Variants in LRMDA observed in about 807,000 individuals in gnomAD.
LRMDA encodes leucine rich melanocyte differentiation associated, also known as leucine-rich melanocyte differentiation-associated protein.
LRMDA carries 18 observed loss-of-function variants against 29.8 expected under a neutral mutation model. The ratio of observed to expected loss-of-function variants is 0.60; its 90% CI spans 0.42 to 0.90. LRMDA has a LOEUF of 0.90. Among genes scored for constraint, LRMDA ranks in the 40% least tolerant of loss-of-function variants. The probability of loss-of-function intolerance (pLI) is 0.00; values close to 1 mark genes in which losing one functional copy is unlikely to be tolerated. For synonymous variants in LRMDA, 125 were observed against 109.4 expected (o/e 1.14, Z -0.89); for missense variants, 273 against 273.9 (o/e 1.00, Z 0.02).
chr10:76,302,401 A>G (rs997372482), intron 5 of LRMDA, among the ~76,000 whole-genome samples: 9 of 152,160 alleles, frequency 5.9e-5, no homozygotes, highest in African/African-American at 1.4e-4. Flanking sequence ...GGTGTTGGCC[A>G]TGTTTCAGGG....
intron 6 of LRMDA, among the ~76,000 whole-genome samples, chr10:76,342,334 T>G (rs1841052111): frequency 6.6e-6 from 1 of 152,106 alleles, no homozygotes; most frequent in Non-Finnish European, 1.5e-5. Flanking sequence ...TAGAGAAGTA[T>G]ATTAATGAAA....
intron 5 of LRMDA, among the ~76,000 whole-genome samples, chr10:76,308,195 C>G (rs896898203): frequency 2.6e-5 from 4 of 152,172 alleles, no homozygotes; most frequent in African/African-American, 9.7e-5. Flanking sequence ...ACACCTTCAT[C>G]TACTTGAACA....
At chr10:76,156,239 T>C (rs1027521957) in intron 5 of LRMDA, among the ~76,000 whole-genome samples, 1 of 152,114 alleles carries the variant, frequency 6.6e-6, no homozygotes, top group Non-Finnish European at 1.5e-5. Flanking sequence ...CAACCAGCAG[T>C]CTCCAAGGGC....
chr10:76,479,781 C>T (rs1441070544), intron 6 of LRMDA, among the ~76,000 whole-genome samples: 2 of 151,774 alleles, frequency 1.3e-5, no homozygotes, highest in Non-Finnish European at 1.5e-5. Flanking sequence ...ACATTTAGTT[C>T]CTCATTTTTT....
At chr10:76,252,508 C>G (rs1852504400) in intron 5 of LRMDA, among the ~76,000 whole-genome samples, 1 of 152,168 alleles carries the variant, frequency 6.6e-6, no homozygotes, top group Non-Finnish European at 1.5e-5. Context: ...GAGGGGAGGA[C>G]TGGCCAAGAG....
chr10:76,070,832 C>T (rs1766908013), intron 5 of LRMDA, among the ~76,000 whole-genome samples: 1 of 152,180 alleles, frequency 6.6e-6, no homozygotes. Context: ...TTGGGCATCT[C>T]CTCAGCCACC....
intron 2 of LRMDA, among the ~76,000 whole-genome samples, chr10:75,604,596 T>C (rs1589200542): frequency 1.3e-5 from 2 of 152,266 alleles, no homozygotes; most frequent in East Asian, 3.9e-4. Context: ...TAAAAACTGA[T>C]TATATGAATT....
intron 2 of LRMDA, among the ~76,000 whole-genome samples, chr10:75,598,568 C>G (rs1300423627): frequency 6.6e-6 from 1 of 151,966 alleles, no homozygotes; most frequent in African/African-American, 2.4e-5. Flanking sequence ...GGAAAATGCT[C>G]TGTTACTACC....
intron 2 of LRMDA, among the ~76,000 whole-genome samples, chr10:75,832,836 G>C (rs191385584): frequency 6.6e-6 from 1 of 152,146 alleles, no homozygotes; most frequent in Non-Finnish European, 1.5e-5. Context: ...ATCAGATCTC[G>C]TGAGACCCAT....
chr10:75,957,746 G>A (rs1031148572), intron 2 of LRMDA, among the ~76,000 whole-genome samples: 5 of 152,202 alleles, frequency 3.3e-5, no homozygotes, highest in African/African-American at 1.2e-4. Context: ...GCGGGAGAGA[G>A]TGAGAGGAGG....
rs144921752 is a variant in LRMDA, at chr10:76,162,382, T to C, written c.516+103599T>C. Among the ~76,000 whole-genome samples the C allele has an allele frequency of 5.5e-3, 832 of 152,322 alleles. 2 individuals are homozygous for C. Among genetic ancestry groups the C allele is most frequent in the Admixed American group, 8.1e-3 (124 of 15,294 alleles). ...GGGCAATTTATTTAACAAGCCTCTTTGATCCTGTATTAGTCAATTCTCGCA... is the reference window on the plus strand; with the variant it reads ...GGGCAATTTATTTAACAAGCCTCTTCGATCCTGTATTAGTCAATTCTCGCA... On this transcript the variant is annotated intron_variant, in intron 5 of 6. Transcript: ENST00000611255.
chr10:75,878,484 C>T (rs775359388), intron 2 of LRMDA, among the ~76,000 whole-genome samples: 75 of 151,872 alleles, frequency 4.9e-4, no homozygotes, highest in Non-Finnish European at 9.0e-4. Context: ...CGTCATCCCG[C>T]CTCAAAGGCC....
chr10:76,506,220 G>A lies in LRMDA; in HGVS notation c.602-50989G>A, dbSNP rs191417700. Among the ~76,000 whole-genome samples the A allele has an allele frequency of 3.2e-4, 48 of 152,268 alleles. No individual in the cohort carries two copies. The East Asian group carries it at 5.0e-3, about 16-fold the overall frequency. ...GCTTCCTGACTGTGTCCAGTTGGAC[G>A]TCTTGTCCAGAACCCCTGGTGATTA... On this transcript the variant is annotated intron_variant, in intron 6 of 6. Coordinates refer to ENST00000611255, the MANE Select transcript of LRMDA (RefSeq NM_001305581.2).
intron 5 of LRMDA, among the ~76,000 whole-genome samples, chr10:76,167,986 AT>A (rs1205604868): frequency 1.3e-5 from 2 of 151,934 alleles, no homozygotes; most frequent in Admixed American, 6.6e-5. Context: ...GGTTACCTGT[AT>A]TTCTAGGTAT....
intron 6 of LRMDA, chr10:76,535,658 T>G (rs1046445596): frequency 6.6e-6 from 1 of 152,124 alleles, no homozygotes; most frequent in Non-Finnish European, 1.5e-5. Flanking sequence ...GTTGGAAAAA[T>G]AGTACATTAA....
intron 2 of LRMDA, among the ~76,000 whole-genome samples, chr10:76,016,346 A>AT (rs58759646): frequency 0.095 from 13,557 of 143,132 alleles, 844 homozygotes; most frequent in East Asian, 0.24. Context: ...AAATACTCTG[A>AT]TTTTTTTTTT....
At chr10:76,519,168 T>G (rs1274934958) in intron 6 of LRMDA, among the ~76,000 whole-genome samples, 1 of 151,754 alleles carries the variant, frequency 6.6e-6, no homozygotes, top group East Asian at 1.9e-4. Context: ...AATTAGCCAG[T>G]CTCATAACCC....
chr10:75,595,798 A>T (rs925678104), intron 2 of LRMDA, among the ~76,000 whole-genome samples: 3 of 152,116 alleles, frequency 2.0e-5, no homozygotes, highest in African/African-American at 4.8e-5. Flanking sequence ...TTCATAAAAG[A>T]TAGCATAGGA....
intron 2 of LRMDA, among the ~76,000 whole-genome samples, chr10:75,827,215 C>G (rs556950252): frequency 2.6e-5 from 4 of 152,110 alleles, no homozygotes; most frequent in Non-Finnish European, 5.9e-5. Flanking sequence ...GATTGTGCAG[C>G]AGGTAGAATG....
Sources: gnomAD v4.1 joint callset for allele counts (sites outside exome capture counted in the v4.1 genomes callset) on GRCh38, gnomAD v4.1.1 for gene constraint, MANE v1.5 for transcripts, NCBI Gene and HGNC (gene_info 2026-07-23, HGNC 2026-07-21) for gene names.